PRICKLE2: variants seen among roughly 807,000 people sequenced by gnomAD.
PRICKLE2 encodes the protein prickle planar cell polarity protein 2.
A neutral mutation model predicts 81.4 loss-of-function variants in PRICKLE2; 21 were observed. That is an observed-to-expected ratio of 0.26 (90% CI 0.18 to 0.37). PRICKLE2 has a LOEUF of 0.37. PRICKLE2 is among the 10% of genes least tolerant of loss of function. The probability of loss-of-function intolerance (pLI) is 1.00; values close to 1 mark genes in which losing one functional copy is unlikely to be tolerated. For missense variants in PRICKLE2, 940 were observed against 1,109.0 expected, an observed-to-expected ratio of 0.85 and a Z score of 2.16; for synonymous variants, 456 against 421.5, an observed-to-expected ratio of 1.08 and a Z score of -1.00.
chr3:64,166,259 T>C (rs2077831156), intron 2 of PRICKLE2, among the ~76,000 whole-genome samples: 1 of 152,168 alleles, frequency 6.6e-6, no homozygotes. Flanking sequence ...TGACTCGCTT[T>C]TCTCAATTCC....
chr3:64,121,438 AC>A (rs1401383967), intron 7 of PRICKLE2, among the ~76,000 whole-genome samples: 1 of 152,140 alleles, frequency 6.6e-6, no homozygotes, highest in Non-Finnish European at 1.5e-5. Flanking sequence ...ATAGTGGTTT[AC>A]CAACATTGAT....
chr3:64,260,906 G>A (rs2079606694), intron 2 of PRICKLE2, among the ~76,000 whole-genome samples: 1 of 152,146 alleles, frequency 6.6e-6, no homozygotes, highest in East Asian at 1.9e-4. Context: ...GGGAGTTGTA[G>A]TAGATCTTAA....
At chr3:64,116,739 G>T (rs775450231) in intron 7 of PRICKLE2, among the ~76,000 whole-genome samples, 4 of 152,144 alleles carry the variant, frequency 2.6e-5, no homozygotes, top group Admixed American at 1.3e-4. Flanking sequence ...AGGATCAGAT[G>T]GATTCACAGC....
rs762642361 is a variant in PRICKLE2 at position 64,099,847 on chromosome 3, C to A, written c.1739G>T (p.Gly580Val). The change falls in exon 8 of 8, where the codon GGA (glycine) becomes GTA (valine). Residue 580 changes from glycine to valine, a missense_variant. By Grantham distance (109) the Gly-to-Val change is moderately radical. This residue lies in a region of PRICKLE2 where 670 missense variants were observed against 717.2 expected (regional missense o/e 0.93). Coordinates refer to ENST00000638394, the MANE Select transcript of PRICKLE2 (RefSeq NM_198859.4). The surrounding 1 kb of genome is among the most constrained non-coding windows in gnomAD (Gnocchi z 4.3). ...GCTCAGCTTCTCAGACACATTCATTCCAGAGTCTTTGCTGAGGTCAGGCAT... is the reference window on the plus strand; with the variant it reads ...GCTCAGCTTCTCAGACACATTCATTACAGAGTCTTTGCTGAGGTCAGGCAT... ...FSMPDLSKDS[G>V]MNVSEKLSNM... The A allele has an allele frequency of 1.2e-6, 2 of 1,614,152 alleles. No individual in the cohort carries two copies. Among genetic ancestry groups the A allele is most frequent in the Admixed American group, 3.3e-5 (2 of 60,026 alleles).
intron 5 of PRICKLE2, chr3:64,153,732 G>T (rs2077582256): frequency 7.5e-6 from 2 of 267,052 alleles, no homozygotes; most frequent in Non-Finnish European, 7.3e-6. Flanking sequence ...TTTTTAAATG[G>T]AAAATATCAT....
intron 2 of PRICKLE2, among the ~76,000 whole-genome samples, chr3:64,166,083 T>C (rs1240272294): frequency 6.6e-6 from 1 of 151,856 alleles, no homozygotes; most frequent in Non-Finnish European, 1.5e-5. Flanking sequence ...AAATAGAATA[T>C]GCCACTGGAA....
chr3:64,229,853 T>C (rs2079077103), upstream of PRICKLE2, among the ~76,000 whole-genome samples: 1 of 152,224 alleles, frequency 6.6e-6, no homozygotes, highest in Admixed American at 6.5e-5. Context: ...GACAAAGAAC[T>C]GTCATGTAAG....
intron 2 of PRICKLE2, among the ~76,000 whole-genome samples, chr3:64,197,846 G>T (rs1190217582): frequency 6.6e-6 from 1 of 151,390 alleles, no homozygotes; most frequent in East Asian, 1.9e-4. Flanking sequence ...CCCATGAACT[G>T]AAAATAAAGT....
At chr3:64,121,231 T>C (rs2077021944) in intron 7 of PRICKLE2, among the ~76,000 whole-genome samples, 1 of 152,220 alleles carries the variant, frequency 6.6e-6, no homozygotes, top group Admixed American at 6.5e-5. Context: ...CTTTCCAAAC[T>C]ATCCTCTCTG....
At chr3:64,123,869 G>A (rs529889583) in intron 7 of PRICKLE2, among the ~76,000 whole-genome samples, 98 of 151,994 alleles carry the variant, frequency 6.4e-4, no homozygotes, top group Non-Finnish European at 1.3e-3. Flanking sequence ...AAACAATATT[G>A]AAATTAGGCC....
At chr3:64,139,708 C>G (rs779597317) in intron 7 of PRICKLE2, among the ~76,000 whole-genome samples, 60 of 152,182 alleles carry the variant, frequency 3.9e-4, no homozygotes, top group Non-Finnish European at 7.1e-4. Flanking sequence ...CTAAATGGCT[C>G]TGCACCATCT....
At chr3:64,256,800 C>G (rs985908653) in intron 2 of PRICKLE2, among the ~76,000 whole-genome samples, 1 of 152,192 alleles carries the variant, frequency 6.6e-6, no homozygotes, top group Non-Finnish European at 1.5e-5. Flanking sequence ...ATAAACATGA[C>G]AGCATAACAA....
intron 7 of PRICKLE2, among the ~76,000 whole-genome samples, chr3:64,108,599 T>C (rs989356001): frequency 4.6e-5 from 7 of 152,122 alleles, no homozygotes; most frequent in Non-Finnish European, 7.3e-5. Flanking sequence ...CCAGCCACGA[T>C]GCCATCCCTT....
At chr3:64,126,044 G>A (rs929955905) in intron 7 of PRICKLE2, among the ~76,000 whole-genome samples, 17 of 151,906 alleles carry the variant, frequency 1.1e-4, no homozygotes, top group Non-Finnish European at 2.4e-4. Flanking sequence ...GAGTAATCGT[G>A]GACAATTTTA....
At chr3:64,208,818 C>T (rs1249734236) in intron 1 of PRICKLE2, among the ~76,000 whole-genome samples, 1 of 152,208 alleles carries the variant, frequency 6.6e-6, no homozygotes, top group African/African-American at 2.4e-5. Context: ...GGACCTATGT[C>T]ATCTGACTCT....
At chr3:64,200,005 C>T (rs752451355) in intron 1 of PRICKLE2, 9 of 152,174 alleles carry the variant, frequency 5.9e-5, no homozygotes, top group Non-Finnish European at 1.2e-4. Context: ...AACCATAAAA[C>T]TCACCATTTC....
Position 64,255,500 on chromosome 3 carries a change from T to C in PRICKLE2, c.129-56533A>G, listed in dbSNP as rs141977145. ...CACACCTCATTCCTAGCAGGATGCATATGGACCTCCTCACAGTGCTTGACG... is the reference window on the plus strand; with the variant it reads ...CACACCTCATTCCTAGCAGGATGCACATGGACCTCCTCACAGTGCTTGACG... On this transcript the variant is annotated intron_variant, in intron 2 of 8. Transcript: ENST00000295902. 9.0e-3 allele frequency among the ~76,000 whole-genome samples: 1,372 copies of C among 152,214 alleles called. 8 individuals carry two copies. Among genetic ancestry groups the C allele is most frequent in the Non-Finnish European group, 0.014 (946 of 68,010 alleles).
At chr3:64,252,393 C>T (rs1479371077) in intron 2 of PRICKLE2, among the ~76,000 whole-genome samples, 4 of 152,184 alleles carry the variant, frequency 2.6e-5, no homozygotes, top group Non-Finnish European at 5.9e-5. Context: ...GGAAGCACAA[C>T]CCCTCTACAT....
At position 64,211,672 on chromosome 3, in the gene PRICKLE2, C is replaced by T. The variant is rs576129252; in HGVS notation, c.-40-12705G>A. On this transcript the variant is annotated intron_variant, in intron 1 of 7. Transcript: ENST00000638394. ...ACTATTCTTGTAACTTTGATCTAAC[C>T]TTGCAATTTTACAAAATAAAAAGTT... 1.2e-4 allele frequency among the ~76,000 whole-genome samples: 18 copies of T among 152,226 alleles called. No homozygotes were observed. The South Asian group carries it at 3.7e-3, about 32-fold the overall frequency.
Sources: allele counts gnomAD v4.1 joint callset (sites outside exome capture counted in the v4.1 genomes callset), GRCh38; gene constraint gnomAD v4.1.1; regional missense constraint gnomAD v4.1.1; non-coding constraint Gnocchi (gnomAD v3.1); transcripts MANE v1.5; gene names NCBI Gene and HGNC (gene_info 2026-07-23, HGNC 2026-07-21).